Variants in PCBP3 observed in about 807,000 individuals in gnomAD.
The protein encoded by PCBP3 is poly(rC)-binding protein 3.
PCBP3 carries 25 observed loss-of-function variants against 52.7 expected under a neutral mutation model. The ratio of observed to expected loss-of-function variants is 0.47; its 90% CI spans 0.35 to 0.66. PCBP3 has a LOEUF of 0.66. PCBP3 is among the 30% of genes least tolerant of loss of function. The pLI is 0.01. For missense variants in PCBP3, 391 were observed against 490.3 expected, an observed-to-expected ratio of 0.80 and a Z score of 1.91; for synonymous variants, 162 against 183.0, an observed-to-expected ratio of 0.89 and a Z score of 0.93.
At chr21:45,703,883 C>T (rs2083284180) in intron 2 of PCBP3, among the ~76,000 whole-genome samples, 1 of 152,068 alleles carries the variant, frequency 6.6e-6, no homozygotes, top group African/African-American at 2.4e-5. Flanking sequence ...AGCAAGGTGG[C>T]TTTGCAGTTG....
chr21:45,746,643 C>T (rs1375951713), intron 3 of PCBP3, among the ~76,000 whole-genome samples: 1 of 63,072 alleles, frequency 1.6e-5, no homozygotes, highest in Non-Finnish European at 3.2e-5. Context: ...TCAGCATCGC[C>T]GTGTCAGTCC....
intron 8 of PCBP3, 42 bp from the exon 9 acceptor site, chr21:45,900,955 G>A (rs2096018978): frequency 6.9e-7 from 1 of 1,455,296 alleles, no homozygotes. Flanking sequence ...CTGGCCCAAG[G>A]GTTTTAATCA....
intron 5 of PCBP3, among the ~76,000 whole-genome samples, chr21:45,855,795 G>A (rs952380766): frequency 6.6e-6 from 1 of 152,236 alleles, no homozygotes; most frequent in African/African-American, 2.4e-5. Flanking sequence ...ACAGGCGGGT[G>A]GAACCCAGGG....
rs921402174 is a variant in PCBP3 at position 45,805,057 on chromosome 21, C to T, written c.-125-44904C>T. 2.0e-5 allele frequency among the ~76,000 whole-genome samples: 3 copies of T among 152,182 alleles called. No homozygotes were observed. The highest frequency in any genetic ancestry group is 2.9e-5 in the Non-Finnish European group (2 of 68,032). On this transcript the variant is annotated intron_variant, in intron 4 of 17. Coordinates refer to ENST00000681687, the MANE Select transcript of PCBP3 (RefSeq NM_001384156.1). This position sits in a 1 kb window ranked among gnomAD's most constrained non-coding sequence, Gnocchi z 4.6. ...GCCTGATCCCGTGGTGATGGCACAG[C>T]CCTGCTGTGGGGAGAGCCGTGCAGC...
At chr21:45,874,463 T>G (rs2095167900) in intron 5 of PCBP3, among the ~76,000 whole-genome samples, 1 of 152,064 alleles carries the variant, frequency 6.6e-6, no homozygotes, top group South Asian at 2.1e-4. Context: ...ACTCTTTGCC[T>G]TCTTTCTGAT....
At chr21:45,926,827 G>A (rs978075904) in intron 13 of PCBP3, among the ~76,000 whole-genome samples, 3 of 152,192 alleles carry the variant, frequency 2.0e-5, no homozygotes, top group Admixed American at 6.5e-5. Context: ...TTCTTAAAAC[G>A]TAAGCACAGA....
Position 45,704,885 on chromosome 21 carries a change from G to T in PCBP3, c.-199-30507G>T, listed in dbSNP as rs1162640191. Among the ~76,000 whole-genome samples the T allele has an allele frequency of 6.6e-6, 1 of 152,182 alleles. No homozygotes were observed. On this transcript the variant is annotated intron_variant, in intron 2 of 17. Coordinates refer to ENST00000681687, the MANE Select transcript of PCBP3 (RefSeq NM_001384156.1). This position sits in a 1 kb window ranked among gnomAD's most constrained non-coding sequence, Gnocchi z 4.1. ...GCTGCTGTCTGCTGAATACATGATG[G>T]CAGTTGATTCTGGAGATAACCAAAT...
chr21:45,845,123 A>G (rs900238109), intron 4 of PCBP3, among the ~76,000 whole-genome samples: 2 of 152,172 alleles, frequency 1.3e-5, no homozygotes, highest in African/African-American at 2.4e-5. Flanking sequence ...GGTCACTGAC[A>G]GTTCTGCTCT....
intron 5 of PCBP3, among the ~76,000 whole-genome samples, chr21:45,861,307 G>A (rs1288276197): frequency 2.0e-5 from 3 of 152,052 alleles, no homozygotes; most frequent in Non-Finnish European, 4.4e-5. Flanking sequence ...TGGCAACCAG[G>A]CCCTGCCTGC....
chr21:45,667,751 G>A (rs1031666881), intron 1 of PCBP3, among the ~76,000 whole-genome samples: 7 of 151,958 alleles, frequency 4.6e-5, no homozygotes, highest in Non-Finnish European at 1.0e-4. Flanking sequence ...GTACTTTTTT[G>A]AAAACTTTAT....
rs75564491 is a variant in PCBP3 at position 45,725,804 on chromosome 21, G to T, written c.-199-9588G>T. On this transcript the variant is annotated intron_variant, in intron 2 of 17. Transcript: ENST00000681687. ...AGGAGGTGTTGGAACTGGGTGGCAG[G>T]GGGGAGCCAGGCATGTGTCTAGGCA... is the stretch of plus-strand genomic sequence containing the variant. Among the ~76,000 whole-genome samples, 107 of 152,120 alleles carry T rather than the reference G, an allele frequency of 7.0e-4. 1 individual carries two copies. In the East Asian group the frequency reaches 0.02, roughly 29 times the overall value.
At chr21:45,745,496 A>G (rs1438263269) in intron 3 of PCBP3, among the ~76,000 whole-genome samples, 1 of 152,206 alleles carries the variant, frequency 6.6e-6, no homozygotes, top group Non-Finnish European at 1.5e-5. Context: ...TCATGACTGC[A>G]GAGTTGGAAG....
rs1021209418 is a variant in PCBP3, at chr21:45,788,081, G to A, written c.-126+32629G>A. Reference sequence around the variant, plus strand: ...AGGAGGGCATAGCCAGGAACAGCTGGTGTCTCCTTACTGGGACATGCTGTG... The same window carrying A: ...AGGAGGGCATAGCCAGGAACAGCTGATGTCTCCTTACTGGGACATGCTGTG... On this transcript the variant is annotated intron_variant, in intron 4 of 17. Transcript: ENST00000681687. The surrounding 1 kb of genome is among the most constrained non-coding windows in gnomAD (Gnocchi z 4.3). 1.3e-5 allele frequency among the ~76,000 whole-genome samples: 2 copies of A among 152,208 alleles called. No individual in the cohort carries two copies. Among genetic ancestry groups the A allele is most frequent in the South Asian group, 2.1e-4 (1 of 4,834 alleles).
intron 13 of PCBP3, chr21:45,919,520 G>A (rs543566192): frequency 2.0e-5 from 3 of 152,220 alleles, no homozygotes; most frequent in Admixed American, 1.3e-4. Context: ...ATATTGAATG[G>A]AGAATAGATA....
chr21:45,768,624 G>A (rs143080902), intron 4 of PCBP3, among the ~76,000 whole-genome samples: 122 of 152,354 alleles, frequency 8.0e-4, no homozygotes, highest in African/African-American at 2.9e-3. Context: ...ATTTAAATTT[G>A]TTGAGCAAAG....
intron 3 of PCBP3, among the ~76,000 whole-genome samples, chr21:45,739,249 C>A (rs1390874174): frequency 7.2e-5 from 10 of 139,652 alleles, no homozygotes; most frequent in Admixed American, 1.4e-4. Flanking sequence ...TCAGCCCACC[C>A]CTTCCTGTCC....
At chr21:45,866,998 C>A (rs2094760082) in intron 5 of PCBP3, among the ~76,000 whole-genome samples, 1 of 152,196 alleles carries the variant, frequency 6.6e-6, no homozygotes, top group South Asian at 2.1e-4. Flanking sequence ...GCTTAAAAAA[C>A]AGTGGTATTT....
intron 2 of PCBP3, among the ~76,000 whole-genome samples, chr21:45,702,180 C>CT (rs1376735826): frequency 1.3e-5 from 2 of 152,322 alleles, no homozygotes; most frequent in Non-Finnish European, 2.9e-5. Context: ...GTCTGAAACA[C>CT]TATCAGTAAA....
rs1048278633 is a variant in PCBP3, at chr21:45,929,348, G to A, written c.718-569G>A. Among the ~76,000 whole-genome samples, 12 of 152,308 alleles carry A rather than the reference G, an allele frequency of 7.9e-5. No individual in the cohort carries two copies. In the East Asian group the frequency reaches 1.5e-3, roughly 20 times the overall value. ...AGACGCTTCTGGAGGTGACTAAAAG[G>A]CAGATGTGTGGCCCCTCAGGTGTTC... On this transcript the variant is annotated intron_variant, in intron 13 of 17. Transcript: ENST00000681687.
Sources: gnomAD v4.1 joint callset for allele counts (sites outside exome capture counted in the v4.1 genomes callset) on GRCh38, gnomAD v4.1.1 for gene constraint, Gnocchi (gnomAD v3.1) non-coding constraint, MANE v1.5 for transcripts, NCBI Gene and HGNC (gene_info 2026-07-23, HGNC 2026-07-21) for gene names.